PTGR1: variants seen among roughly 807,000 people sequenced by gnomAD.
PTGR1 encodes the protein prostaglandin reductase 1.
Under a neutral mutation model 37.7 loss-of-function variants are expected in PTGR1, and 23 were observed. The ratio of observed to expected loss-of-function variants is 0.61; its 90% CI spans 0.44 to 0.86. The LOEUF (loss-of-function observed/expected upper bound fraction) is 0.86, where lower values mean the gene tolerates loss of function less well. PTGR1 is among the 40% of genes least tolerant of loss of function. PTGR1 has a pLI of 0.00. For synonymous variants in PTGR1, 134 were observed against 140.0 expected (o/e 0.96, Z 0.30); for missense variants, 351 against 394.3 (o/e 0.89, Z 0.93).
chr9:111,571,446 CAT>C lies in PTGR1; in HGVS notation c.761-1239_761-1238del, dbSNP rs1022531062. ...AGAAGTAAACAAACAAAAGAATAAA[CAT>C]GTGGGTGTTTTTGTGTCTGTGTGTT... On this transcript the variant is annotated intron_variant, in intron 8 of 9. Coordinates refer to ENST00000407693, the MANE Select transcript of PTGR1 (RefSeq NM_001146108.2). Among the ~76,000 whole-genome samples the C allele has an allele frequency of 4.7e-5, 7 of 149,262 alleles. 1 individual carries two copies. The highest frequency in any genetic ancestry group is 7.3e-5 in the African/African-American group (3 of 41,358).
At chr9:111,595,727 G>A (rs965620715) in intron 2 of PTGR1, among the ~76,000 whole-genome samples, 12 of 152,056 alleles carry the variant, frequency 7.9e-5, no homozygotes, top group African/African-American at 2.4e-4. Context: ...TCCACCTCCC[G>A]GGTTCATGCT....
intron 4 of PTGR1, 116 bp from the exon 5 acceptor site, chr9:111,586,281 A>C: frequency 1.0e-6 from 1 of 981,788 alleles, no homozygotes; most frequent in Non-Finnish European, 1.6e-6. Context: ...ATATTCCACA[A>C]CTGATAGTCC....
chr9:111,552,376 G>A (rs1348247701), intron 9 of PTGR1, among the ~76,000 whole-genome samples: 1 of 151,976 alleles, frequency 6.6e-6, no homozygotes, highest in Admixed American at 6.6e-5. Context: ...TCCGTGACTC[G>A]TTTCTTGGAG....
At position 111,592,986 on chromosome 9, in the gene PTGR1, C is replaced by CAAAAAAAAAAAAAAA. The variant is rs58142522; in HGVS notation, c.153-19_153-5dup. On this transcript the variant is annotated splice_polypyrimidine_tract_variant and splice_region_variant and intron_variant, in intron 3 of 9. Coordinates refer to ENST00000407693, the MANE Select transcript of PTGR1 (RefSeq NM_001146108.2). The stretch of plus-strand genomic sequence containing the variant: ...CTTCAATCTTTTGGCTGCCACTCTG[C>CAAAAAAAAAAAAAAA]AAAAAAAAAAAAAAAAAAAAAAAAA... 6 of 961,392 alleles carry CAAAAAAAAAAAAAAA rather than the reference C, an allele frequency of 6.2e-6. No homozygotes were observed. The highest frequency in any genetic ancestry group is 6.7e-5 in the African/African-American group (2 of 29,996). 59.6% of individuals were successfully genotyped at this position (961,392 alleles called of 1,614,324 possible). A position where few individuals can be genotyped will look rare whatever the true frequency, so the allele number is the denominator to read the frequency against.
chr9:111,578,939 C>T lies in PTGR1; in HGVS notation c.508G>A (p.Val170Ile), dbSNP rs1222711990. The change falls in exon 7 of 10, where the codon GTT (valine) becomes ATT (isoleucine). Residue 170 changes from valine (V) to isoleucine (I), a missense_variant. Coordinates refer to ENST00000407693, the MANE Select transcript of PTGR1 (RefSeq NM_001146108.2). The part of the protein sequence containing the change: ...QIAKLKGCKV[V>I]GAVGSDEKVA... The stretch of plus-strand genomic sequence containing the variant: ...TTTTCATCAGACCCTACTGCTCCAA[C>T]AACTTTGCAGCCCTAAGTAGAAAAA... The T allele has an allele frequency of 3.2e-6, 5 of 1,586,674 alleles. No individual in the cohort carries two copies. Among genetic ancestry groups the T allele is most frequent in the East Asian group, 2.3e-5 (1 of 44,304 alleles).
chr9:111,595,934 A>G (rs535469443), intron 2 of PTGR1, among the ~76,000 whole-genome samples: 1 of 152,206 alleles, frequency 6.6e-6, no homozygotes, highest in South Asian at 2.1e-4. Context: ...CACCCAGCCG[A>G]GACTCATCTT....
chr9:111,592,865 C>T (rs1376353234), intron 4 of PTGR1, 61 bp downstream of exon 4: 1 of 1,577,078 alleles, frequency 6.3e-7, no homozygotes, highest in African/African-American at 1.4e-5. Flanking sequence ...AGAGACAGGA[C>T]CCAGCAGGAG....
At chr9:111,564,318 T>TATG in intron 9 of PTGR1, 1 of 596,712 alleles carries the variant, frequency 1.7e-6, no homozygotes, top group Non-Finnish European at 2.2e-6. Context: ...TTATTATTAT[T>TATG]ATTCTGAGAC....
At chr9:111,568,251 T>A (rs1828659209) in intron 9 of PTGR1, among the ~76,000 whole-genome samples, 1 of 152,128 alleles carries the variant, frequency 6.6e-6, no homozygotes, top group Admixed American at 6.6e-5. Flanking sequence ...GGAATATTAA[T>A]AATTAATATC....
chr9:111,563,450 G>A (rs550804134), intron 9 of PTGR1: 3 of 429,946 alleles, frequency 7.0e-6, no homozygotes, highest in Admixed American at 3.8e-5. Context: ...AGAAATAATA[G>A]GTGTCGGATC....
chr9:111,578,583 A>G (rs1829161253), intron 7 of PTGR1, among the ~76,000 whole-genome samples: 1 of 152,140 alleles, frequency 6.6e-6, no homozygotes, highest in South Asian at 2.1e-4. Context: ...CTGTTCTGAG[A>G]AGAGGCGGAG....
At chr9:111,596,857 G>A (rs934018940) in intron 2 of PTGR1, among the ~76,000 whole-genome samples, 4 of 145,388 alleles carry the variant, frequency 2.8e-5, no homozygotes, top group Non-Finnish European at 5.9e-5. Flanking sequence ...GACCCAGAAG[G>A]CAGAGGTTGC....
Position 111,578,904 on chromosome 9 carries a change from G to A in PTGR1, c.543C>T (p.Tyr181=). 1 of 1,612,324 alleles carries A rather than the reference G, an allele frequency of 6.2e-7. No homozygotes were observed. Among genetic ancestry groups the A allele is most frequent in the East Asian group, 2.2e-5 (1 of 44,828 alleles). ...GAVGSDEKVA[Y]LQKLGFDVVF... ...CGACATCAAATCCAAGCTTTTGAAG[G>A]TAGGCAACCTTTTCATCAGACCCTA... Residue 181 remains tyrosine, a synonymous_variant, in exon 7 of 10, where the codon TAC becomes TAT. Coordinates refer to ENST00000407693, the MANE Select transcript of PTGR1 (RefSeq NM_001146108.2).
downstream of PTGR1, among the ~76,000 whole-genome samples, chr9:111,561,147 G>GAGAGA (rs1491187821): frequency 7.6e-4 from 34 of 44,656 alleles, 3 homozygotes; most frequent in African/African-American, 1.1e-3. Context: ...AGGAGAGAGA[G>GAGAGA]GGAGAGAGAG....
chr9:111,562,897 G>A lies in PTGR1; in HGVS notation c.*224C>T, dbSNP rs1828374066. ...AGCCATTATTTTCTACCACAACTCA[G>A]AAGAAGCTGTAGTGAACAGTGAGGT... is the stretch of plus-strand genomic sequence containing the variant. On this transcript the variant is annotated 3_prime_UTR_variant, in exon 10 of 10. Coordinates refer to ENST00000407693, the MANE Select transcript of PTGR1 (RefSeq NM_001146108.2). 1.6e-6 allele frequency: 2 copies of A among 1,260,612 alleles called. No individual in the cohort carries two copies. The highest frequency in any genetic ancestry group is 2.3e-5 in the South Asian group (1 of 43,858). 78.1% of individuals were successfully genotyped at this position (1,260,612 alleles called of 1,614,324 possible). A position where few individuals can be genotyped will look rare whatever the true frequency, so the allele number is the denominator to read the frequency against.
downstream of PTGR1, among the ~76,000 whole-genome samples, chr9:111,561,178 AAAGAG>A (rs1564608253): frequency 1.1e-4 from 11 of 97,104 alleles, no homozygotes; most frequent in South Asian, 2.9e-4. Flanking sequence ...AGAGAGAGAG[AAAGAG>A]AGAGAGATTC....
At chr9:111,564,648 T>C (rs1828474666) in intron 9 of PTGR1, among the ~76,000 whole-genome samples, 1 of 152,020 alleles carries the variant, frequency 6.6e-6, no homozygotes, top group Admixed American at 6.6e-5. Flanking sequence ...TCATTCTTAT[T>C]CTTGAAGAAG....
chr9:111,564,179 G>A (rs1280870164), intron 9 of PTGR1: 18 of 1,016,496 alleles, frequency 1.8e-5, no homozygotes, highest in Non-Finnish European at 2.1e-5. Context: ...TTTCGCTAAT[G>A]TATTCCAGTG....
chr9:111,583,367 C>CA lies in PTGR1; in HGVS notation c.495+104dup. On this transcript the variant is annotated intron_variant, in intron 6 of 9. Coordinates refer to ENST00000407693, the MANE Select transcript of PTGR1 (RefSeq NM_001146108.2). ...CTCAATCTCCAACTTCTAAAGAAGA[C>CA]AACTAGACTATAAACTCCCTGAGGC... 3.3e-6 allele frequency: 3 copies of CA among 913,670 alleles called. No homozygotes were observed. In the South Asian group the frequency reaches 4.5e-5, roughly 14 times the overall value. The allele number at this position is 913,670 out of a possible 1,614,324, so 56.6% of individuals were successfully genotyped here.
Sources: allele counts gnomAD v4.1 joint callset (sites outside exome capture counted in the v4.1 genomes callset), GRCh38; gene constraint gnomAD v4.1.1; transcripts MANE v1.5; gene names NCBI Gene and HGNC (gene_info 2026-07-23, HGNC 2026-07-21).